Variants in MRPL22 observed in about 807,000 individuals in gnomAD.
The protein encoded by MRPL22 is mitochondrial ribosomal protein L22.
A neutral mutation model predicts 32.4 loss-of-function variants in MRPL22; 27 were observed. That is an observed-to-expected ratio of 0.83 (90% CI 0.61 to 1.15). The LOEUF (loss-of-function observed/expected upper bound fraction) is 1.15. MRPL22 is among the 50% of genes most tolerant of loss of function. The pLI is 0.00. For missense variants in MRPL22, 239 were observed against 260.2 expected (o/e 0.92, Z 0.56); for synonymous variants, 86 against 87.3 (o/e 0.99, Z 0.08).
At chr5:154,945,171 A>C (rs1428522608) in intron 2 of MRPL22, among the ~76,000 whole-genome samples, 1 of 152,120 alleles carries the variant, frequency 6.6e-6, no homozygotes, top group African/African-American at 2.4e-5. Flanking sequence ...ACCGTTGGCT[A>C]TTTCAGGTAT....
chr5:154,941,180 A>G, intron 1 of MRPL22, 37 bp from the exon 2 acceptor site: 2 of 1,614,096 alleles, frequency 1.2e-6, no homozygotes, highest in Non-Finnish European at 1.7e-6. Context: ...GGGAGTCGAG[A>G]TGGAATCTGA....
intron 2 of MRPL22, 74 bp downstream of exon 2, chr5:154,941,339 C>G: frequency 6.3e-7 from 1 of 1,586,150 alleles, no homozygotes; most frequent in Non-Finnish European, 8.6e-7. Context: ...AACTGAGCGC[C>G]TCCGTGCCTA....
At chr5:154,959,463 C>A (rs1764674075) in intron 5 of MRPL22, among the ~76,000 whole-genome samples, 1 of 152,190 alleles carries the variant, frequency 6.6e-6, no homozygotes, top group South Asian at 2.1e-4. Flanking sequence ...CCAGCCTCAG[C>A]CTTCCACATA....
At chr5:154,966,294 T>A (rs1003783635) in intron 6 of MRPL22, among the ~76,000 whole-genome samples, 1 of 152,196 alleles carries the variant, frequency 6.6e-6, no homozygotes, top group African/African-American at 2.4e-5. Flanking sequence ...TGCTCTTAGA[T>A]CAAATGTCTC....
At chr5:154,942,900 C>T (rs955680050) in intron 2 of MRPL22, among the ~76,000 whole-genome samples, 1 of 152,154 alleles carries the variant, frequency 6.6e-6, no homozygotes, top group African/African-American at 2.4e-5. Flanking sequence ...GAGCAAGAAA[C>T]TTAAGCAGTT....
rs752824197 is a variant in MRPL22, at chr5:154,957,191, A to G, written c.318A>G (p.Lys106=). The G allele has an allele frequency of 1.2e-6, 2 of 1,613,292 alleles. No individual in the cohort carries two copies. The highest frequency in any genetic ancestry group is 1.7e-5 in the Admixed American group (1 of 59,994). The change falls in exon 5 of 7, where the codon AAA becomes AAG. Residue 106 remains lysine, a synonymous_variant. Transcript: ENST00000523037. ...CTCAGTTGGAATTCAATGACAAAAA[A>G]GGGGCCAAAATAATTAAAGAGGTAA... ...ALAQLEFNDK[K]GAKIIKEVLL...
chr5:154,961,352 G>A (rs1764699273), intron 6 of MRPL22, among the ~76,000 whole-genome samples: 1 of 152,174 alleles, frequency 6.6e-6, no homozygotes, highest in Non-Finnish European at 1.5e-5. Context: ...ACCATTGGAA[G>A]GGATGAGGAG....
intron 2 of MRPL22, among the ~76,000 whole-genome samples, chr5:154,948,256 A>G (rs1764517201): frequency 2.0e-5 from 3 of 152,214 alleles, no homozygotes; most frequent in African/African-American, 7.2e-5. Flanking sequence ...TATCATTTTC[A>G]TAAATATTTT....
chr5:154,941,196 C>T (rs1764409295), intron 1 of MRPL22, 21 bp from the exon 2 acceptor site: 3 of 1,613,942 alleles, frequency 1.9e-6, no homozygotes, highest in South Asian at 2.2e-5. Context: ...TCTGAGTTGA[C>T]GGCTTGTGTT....
At chr5:154,954,183 T>G (rs1192617776) in intron 3 of MRPL22, among the ~76,000 whole-genome samples, 1 of 151,798 alleles carries the variant, frequency 6.6e-6, no homozygotes. Flanking sequence ...AGAGACGAGT[T>G]TTTGTCATGT....
At chr5:154,951,996 TCTC>T in intron 3 of MRPL22, among the ~76,000 whole-genome samples, 1 of 151,518 alleles carries the variant, frequency 6.6e-6, no homozygotes, top group South Asian at 2.1e-4. Context: ...CATTCTCCTG[TCTC>T]AGCCTCCCGA....
chr5:154,948,567 C>T (rs142465101), intron 2 of MRPL22, among the ~76,000 whole-genome samples: 1 of 152,148 alleles, frequency 6.6e-6, no homozygotes, highest in African/African-American at 2.4e-5. Flanking sequence ...GGGGCTTGAG[C>T]CCCCAGTTTC....
intron 6 of MRPL22, among the ~76,000 whole-genome samples, chr5:154,960,427 T>A (rs548838880): frequency 1.3e-5 from 2 of 152,302 alleles, no homozygotes; most frequent in African/African-American, 2.4e-5. Flanking sequence ...ATTTAAAAAA[T>A]TTTTATTTAT....
rs1435766101 is a variant in MRPL22 at position 154,963,894 on chromosome 5, G to A, written c.410-2792G>A. On this transcript the variant is annotated intron_variant, in intron 6 of 6. Transcript: ENST00000523037. Reference sequence around the variant, plus strand: ...AGTCTGGAGGAATGCTCTTCCAGGAGAAGAGCAGATTTTTAAAGTGGGGTG... The same window carrying A: ...AGTCTGGAGGAATGCTCTTCCAGGAAAAGAGCAGATTTTTAAAGTGGGGTG... Among the ~76,000 whole-genome samples, 3 of 152,322 alleles carry A rather than the reference G, an allele frequency of 2.0e-5. No homozygotes were observed. The East Asian group carries it at 5.8e-4, about 29-fold the overall frequency.
chr5:154,943,457 A>G (rs556896260), intron 2 of MRPL22, among the ~76,000 whole-genome samples: 24 of 152,182 alleles, frequency 1.6e-4, no homozygotes, highest in South Asian at 2.1e-4. Context: ...TTGTCTATGT[A>G]AAATGAGAGT....
At chr5:154,964,121 G>A (rs1337601572) in intron 6 of MRPL22, among the ~76,000 whole-genome samples, 4 of 152,164 alleles carry the variant, frequency 2.6e-5, no homozygotes, top group African/African-American at 7.2e-5. Context: ...AGAGATTTAT[G>A]TTATTAAGAT....
chr5:154,942,317 T>TA (rs1764428568), intron 2 of MRPL22, among the ~76,000 whole-genome samples: 1 of 152,228 alleles, frequency 6.6e-6, no homozygotes, highest in Admixed American at 6.5e-5. Context: ...TGGCATGTGA[T>TA]AATCCCACTC....
At position 154,956,453 on chromosome 5, in the gene MRPL22, A is replaced by G. The variant is rs746541610; in HGVS notation, c.261+17A>G. 9 of 1,531,350 alleles carry G rather than the reference A, an allele frequency of 5.9e-6. No individual in the cohort carries two copies. Among genetic ancestry groups the G allele is most frequent in the Non-Finnish European group, 6.3e-6 (7 of 1,110,754 alleles). The allele number at this position is 1,531,350 out of a possible 1,614,324, so 94.9% of individuals were successfully genotyped here. A position where few individuals can be genotyped will look rare whatever the true frequency, so the allele number is the denominator to read the frequency against. On this transcript the variant is annotated intron_variant, in intron 4 of 6. Coordinates refer to ENST00000523037, the MANE Select transcript of MRPL22 (RefSeq NM_014180.4). ...GCAAAATTGGTAAGCTGCAATGACT[A>G]TTACCATATAATTAATAATTTAGGA...
intron 5 of MRPL22, among the ~76,000 whole-genome samples, chr5:154,959,523 T>C: frequency 6.6e-6 from 1 of 151,876 alleles, no homozygotes; most frequent in East Asian, 1.9e-4. Flanking sequence ...TTTGTGTTTT[T>C]AGTAGAGGCG....
Sources: allele counts gnomAD v4.1 joint callset (sites outside exome capture counted in the v4.1 genomes callset), GRCh38; gene constraint gnomAD v4.1.1; transcripts MANE v1.5; gene names NCBI Gene and HGNC (gene_info 2026-07-23, HGNC 2026-07-21).